RFTN1: variants seen among roughly 807,000 people sequenced by gnomAD.
RFTN1 encodes raftlin.
In RFTN1, 26 loss-of-function variants were observed where a neutral mutation model predicts 46.5. That is an observed-to-expected ratio of 0.56 (90% CI 0.41 to 0.78). The LOEUF (loss-of-function observed/expected upper bound fraction) is 0.78. RFTN1 is among the 30% of genes least tolerant of loss of function. The pLI, the probability that RFTN1 is intolerant of heterozygous loss-of-function variation, is 0.00. For synonymous variants in RFTN1, 261 were observed against 284.2 expected, an observed-to-expected ratio of 0.92 and a Z score of 0.82; for missense variants, 693 against 718.7, an observed-to-expected ratio of 0.96 and a Z score of 0.41.
rs115337402 is a variant in RFTN1, at chr3:16,434,080, C to G, written c.146-43G>C. ...GAGGCTCATCAAAGACCCATCACAA[C>G]GCCCACTCAGCCCTGCCCAAACCCC... On this transcript the variant is annotated intron_variant, in intron 2 of 9. Coordinates refer to ENST00000334133, the MANE Select transcript of RFTN1 (RefSeq NM_015150.2). 1,312 of 1,496,420 alleles carry G rather than the reference C, an allele frequency of 8.8e-4. 14 individuals are homozygous for G. The African/African-American group carries it at 0.016, about 18-fold the overall frequency. 92.7% of individuals were successfully genotyped at this position (1,496,420 alleles called of 1,614,324 possible). A position where few individuals can be genotyped will look rare whatever the true frequency, so the allele number is the denominator to read the frequency against.
At chr3:16,432,657 C>G (rs890906983) in intron 3 of RFTN1, among the ~76,000 whole-genome samples, 1 of 151,216 alleles carries the variant, frequency 6.6e-6, no homozygotes, top group Non-Finnish European at 1.5e-5. Context: ...GGCAACATAG[C>G]GAGACCTTGT....
At chr3:16,454,583 C>T (rs2163021) in intron 2 of RFTN1, among the ~76,000 whole-genome samples, 6,915 of 152,306 alleles carry the variant, frequency 0.045, 217 homozygotes, top group Middle Eastern at 0.068. Context: ...ATTCATAATG[C>T]CTGCATGGTG....
chr3:16,485,193 C>T (rs2076427816), intron 2 of RFTN1, among the ~76,000 whole-genome samples: 1 of 152,034 alleles, frequency 6.6e-6, no homozygotes, highest in Non-Finnish European at 1.5e-5. Flanking sequence ...CATAATAGCC[C>T]CAAACTGGAA....
chr3:16,441,299 T>TAAAAAAAAAAAAAAAAAAAA (rs59877269), intron 2 of RFTN1, among the ~76,000 whole-genome samples: 1 of 47,554 alleles, frequency 2.1e-5, no homozygotes, highest in African/African-American at 6.6e-5. Flanking sequence ...TTCCAAGAAC[T>TAAAAAAAAAAAAAAAAAAAA]AAAAAAAAAA....
rs17272488 is a variant in RFTN1, at chr3:16,379,667, G to A, written c.442-1565C>T. 8.0e-3 allele frequency among the ~76,000 whole-genome samples: 1,217 copies of A among 152,054 alleles called. 5 individuals carry two copies. Among genetic ancestry groups the A allele is most frequent in the Non-Finnish European group, 0.013 (877 of 67,988 alleles). ...TGGGCATGTATGTGTCCACTCATAC[G>A]CCCCGAGTTGGCTCAATTCACTCTT... On this transcript the variant is annotated intron_variant, in intron 4 of 9. Transcript: ENST00000334133.
chr3:16,502,793 T>C (rs531530571), intron 1 of RFTN1, among the ~76,000 whole-genome samples: 1 of 152,314 alleles, frequency 6.6e-6, no homozygotes, highest in Admixed American at 6.5e-5. Flanking sequence ...TGAGAGACCC[T>C]AAGTCAGAAG....
rs779080943 is a variant in RFTN1 at position 16,377,737 on chromosome 3, A to T, written c.807T>A (p.His269Gln). 3.1e-5 allele frequency: 49 copies of T among 1,597,146 alleles called. No individual in the cohort carries two copies. In the East Asian group the frequency reaches 1.1e-3, roughly 35 times the overall value. ...DGPESNPLEV[H>Q]EEPLSGKMEI... ...ACTTACTCCCTGAGAGTGGCTCTTC[A>T]TGCACCTCCAAGGGGTTGCTCTCCG... Residue 269 changes from histidine to glutamine, a missense_variant, in exon 5 of 10, where the codon CAT becomes CAA. His to Gln is a conservative substitution (Grantham distance 24). Transcript: ENST00000334133.
In RFTN1 at chr3:16,424,600, T is replaced by C. The variant is rs1384598922; in HGVS notation, c.332+9251A>G. Among the ~76,000 whole-genome samples the C allele has an allele frequency of 7.2e-5, 11 of 152,216 alleles. No individual in the cohort carries two copies. In the South Asian group the frequency reaches 2.1e-3, roughly 29 times the overall value. On this transcript the variant is annotated intron_variant, in intron 3 of 9. Transcript: ENST00000334133. The surrounding 1 kb of genome is among the most constrained non-coding windows in gnomAD (Gnocchi z 4.7). ...CTTTGTAGCCATTTTAAGTTCCAACTCATGGTCGATGATAGGAAGTGAATG... is the reference window on the plus strand; with the variant it reads ...CTTTGTAGCCATTTTAAGTTCCAACCCATGGTCGATGATAGGAAGTGAATG...
intron 2 of RFTN1, among the ~76,000 whole-genome samples, chr3:16,436,595 T>C (rs2075520986): frequency 6.6e-6 from 1 of 152,216 alleles, no homozygotes; most frequent in Non-Finnish European, 1.5e-5. Flanking sequence ...ACATATTTCA[T>C]TTTTTGCATA....
At chr3:16,445,182 CAT>C (rs1442421289) in intron 2 of RFTN1, among the ~76,000 whole-genome samples, 1 of 152,034 alleles carries the variant, frequency 6.6e-6, no homozygotes, top group Non-Finnish European at 1.5e-5. Context: ...TTAGAGAAAA[CAT>C]ATAAGAAAAA....
chr3:16,318,975 C>A (rs1339706427), intron 9 of RFTN1, among the ~76,000 whole-genome samples: 1 of 152,196 alleles, frequency 6.6e-6, no homozygotes, highest in Non-Finnish European at 1.5e-5. Context: ...GGCTCCAAAC[C>A]CACCAGAGGA....
At position 16,320,252 on chromosome 3, in the gene RFTN1, A is replaced by G. The variant is rs1162194911; in HGVS notation, c.1333-3020T>C. ...AAGAAGTTTAATATTTGCCTTGAAA[A>G]TCACACGCACGTACACAGAGGTTTC... On this transcript the variant is annotated intron_variant, in intron 9 of 9. Transcript: ENST00000334133. This position sits in a 1 kb window ranked among gnomAD's most constrained non-coding sequence, Gnocchi z 4.5. 6.6e-6 allele frequency among the ~76,000 whole-genome samples: 1 copy of G among 152,226 alleles called. No homozygotes were observed. Among genetic ancestry groups the G allele is most frequent in the Non-Finnish European group, 1.5e-5 (1 of 68,044 alleles).
At chr3:16,463,707 T>A (rs1461644392) in intron 2 of RFTN1, among the ~76,000 whole-genome samples, 2 of 152,242 alleles carry the variant, frequency 1.3e-5, no homozygotes, top group Non-Finnish European at 2.9e-5. Flanking sequence ...CTCTCATTTT[T>A]GGGGAATGGT....
In RFTN1 at chr3:16,341,289, A is replaced by T. The variant is rs1310100566; in HGVS notation, c.1147-14413T>A. 6.6e-6 allele frequency among the ~76,000 whole-genome samples: 1 copy of T among 152,240 alleles called. No individual in the cohort carries two copies. Among genetic ancestry groups the T allele is most frequent in the South Asian group, 2.1e-4 (1 of 4,838 alleles). ...GACATACTTTACAATATGATCCAGCAATCATACTCCTTGGTATTTACCCAA... is the reference window on the plus strand; with the variant it reads ...GACATACTTTACAATATGATCCAGCTATCATACTCCTTGGTATTTACCCAA... On this transcript the variant is annotated intron_variant, in intron 7 of 9. Coordinates refer to ENST00000334133, the MANE Select transcript of RFTN1 (RefSeq NM_015150.2). The surrounding 1 kb of genome is among the most constrained non-coding windows in gnomAD (Gnocchi z 4.7).
chr3:16,326,233 T>C (rs902806157), intron 8 of RFTN1, among the ~76,000 whole-genome samples: 10 of 152,226 alleles, frequency 6.6e-5, no homozygotes, highest in African/African-American at 1.9e-4. Flanking sequence ...CCTGAAATTA[T>C]AAGGAATGCC....
In RFTN1 at chr3:16,446,167, A is replaced by C. The variant is rs897019769; in HGVS notation, c.146-12130T>G. Among the ~76,000 whole-genome samples the C allele has an allele frequency of 1.3e-5, 2 of 152,052 alleles. No individual in the cohort carries two copies. Among genetic ancestry groups the C allele is most frequent in the Non-Finnish European group, 2.9e-5 (2 of 68,016 alleles). On this transcript the variant is annotated intron_variant, in intron 2 of 9. Transcript: ENST00000334133. This position sits in a 1 kb window ranked among gnomAD's most constrained non-coding sequence, Gnocchi z 4.5. ...CTGCAGTCACTCTGGTGGATGGTGA[A>C]CTCTGGGGTCCCCATATTCCCTGGG...
chr3:16,432,858 G>C (rs1426743857), intron 3 of RFTN1, among the ~76,000 whole-genome samples: 2 of 152,170 alleles, frequency 1.3e-5, no homozygotes, highest in Non-Finnish European at 2.9e-5. Context: ...AAGAGCCCCA[G>C]AGCTTGATCA....
At chr3:16,332,652 C>A (rs1031772812) in intron 7 of RFTN1, among the ~76,000 whole-genome samples, 1 of 152,150 alleles carries the variant, frequency 6.6e-6, no homozygotes, top group African/African-American at 2.4e-5. Context: ...GCTTTGAAAA[C>A]CAAAGCTTTT....
rs2125226161 is a variant in RFTN1 at position 16,326,864 on chromosome 3, G to T, written c.1159C>A (p.Gln387Lys). The change falls in exon 8 of 10, where the codon CAG becomes AAG. Residue 387 changes from glutamine (Q) to lysine (K), a missense_variant. Physicochemically the swap from Gln to Lys is moderately conservative, Grantham distance 53. Coordinates refer to ENST00000334133, the MANE Select transcript of RFTN1 (RefSeq NM_015150.2). ...TTCAGCAGGGGCACGTAGTCTGTCT[G>T]CACTTCGACACCCTGGGGGAACAAG... is the stretch of plus-strand genomic sequence containing the variant. The part of the protein sequence containing the change: ...QWTVLEGVEV[Q>K]TDYVPLLNSL... 6.2e-7 allele frequency: 1 copy of T among 1,613,694 alleles called. No homozygotes were observed. The highest frequency in any genetic ancestry group is 1.7e-4 in the Middle Eastern group (1 of 5,998).
Sources: allele counts gnomAD v4.1 joint callset (sites outside exome capture counted in the v4.1 genomes callset), GRCh38; gene constraint gnomAD v4.1.1; non-coding constraint Gnocchi (gnomAD v3.1); transcripts MANE v1.5; gene names NCBI Gene and HGNC (gene_info 2026-07-23, HGNC 2026-07-21).